Variants in ECD observed in about 807,000 individuals in gnomAD.
The protein encoded by ECD is protein ecdysoneless homolog.
In ECD, 59 loss-of-function variants were observed where a neutral mutation model predicts 77.2. That is an observed-to-expected ratio of 0.76 (90% CI 0.62 to 0.95). ECD has a LOEUF of 0.95. ECD is among the 40% of genes least tolerant of loss of function. The pLI is 0.00. For synonymous variants in ECD, 233 were observed against 267.4 expected (o/e 0.87, Z 1.26); for missense variants, 704 against 763.4 (o/e 0.92, Z 0.92).
At chr10:73,154,739 C>T (rs928735651) in intron 5 of ECD, among the ~76,000 whole-genome samples, 5 of 151,950 alleles carry the variant, frequency 3.3e-5, no homozygotes, top group Non-Finnish European at 5.9e-5. Flanking sequence ...TTGAGGCCAT[C>T]CTGGCTAACA....
At chr10:73,162,240 C>T (rs1359549344) in intron 2 of ECD, among the ~76,000 whole-genome samples, 1 of 152,102 alleles carries the variant, frequency 6.6e-6, no homozygotes. Context: ...TTGTTGTTTT[C>T]CAGATGTAGA....
intron 9 of ECD, among the ~76,000 whole-genome samples, chr10:73,144,401 G>C (rs552529421): frequency 7.1e-4 from 108 of 152,142 alleles, no homozygotes; most frequent in African/African-American, 2.5e-3. Flanking sequence ...AAGGTAGGGG[G>C]ATCTCTTAAA....
At chr10:73,145,943 A>G (rs1195322016) in intron 9 of ECD, among the ~76,000 whole-genome samples, 3 of 152,066 alleles carry the variant, frequency 2.0e-5, no homozygotes, top group African/African-American at 7.2e-5. Context: ...GCGCCTGGCC[A>G]TATTGTGCAG....
intron 9 of ECD, among the ~76,000 whole-genome samples, chr10:73,144,552 C>T (rs1355750181): frequency 3.3e-5 from 5 of 151,746 alleles, no homozygotes; most frequent in African/African-American, 9.7e-5. Flanking sequence ...TAGCAGAGAG[C>T]GGGGGGAAAA....
At position 73,145,370 on chromosome 10, in the gene ECD, A is replaced by G. The variant is rs1480190401; in HGVS notation, c.1127+906T>C. The stretch of plus-strand genomic sequence containing the variant: ...AAATAAATAAATAATAATAACAATA[A>G]ATGAAAAAAAGTGAAAATGAAAGGT... On this transcript the variant is annotated intron_variant, in intron 9 of 13. Coordinates refer to ENST00000372979, the MANE Select transcript of ECD (RefSeq NM_007265.3). Among the ~76,000 whole-genome samples, 3 of 152,178 alleles carry G rather than the reference A, an allele frequency of 2.0e-5. No homozygotes were observed. The South Asian group carries it at 6.2e-4, about 32-fold the overall frequency.
intron 3 of ECD, among the ~76,000 whole-genome samples, chr10:73,158,251 G>A (rs1013511389): frequency 2.0e-5 from 3 of 151,362 alleles, no homozygotes; most frequent in Admixed American, 6.6e-5. Flanking sequence ...GTGAGCCACC[G>A]CCCCAGGCCT....
At chr10:73,158,643 A>C (rs7905557) in intron 3 of ECD, among the ~76,000 whole-genome samples, 23,884 of 151,836 alleles carry the variant, frequency 0.16, 3,127 homozygotes, top group African/African-American at 0.34. Flanking sequence ...GGATGAGGTA[A>C]GAGAATTGCT....
chr10:73,167,191 G>A (rs1458602125), intron 1 of ECD, among the ~76,000 whole-genome samples: 1 of 152,108 alleles, frequency 6.6e-6, no homozygotes, highest in Non-Finnish European at 1.5e-5. Context: ...TGCTGTTTTG[G>A]TTACTATAAC....
chr10:73,163,347 C>A (rs147480858), intron 2 of ECD, among the ~76,000 whole-genome samples: 124 of 152,264 alleles, frequency 8.1e-4, no homozygotes, highest in Non-Finnish European at 1.4e-3. Flanking sequence ...ACAAGGCAGC[C>A]TACCAAACAC....
At chr10:73,147,599 C>T (rs986553434) in intron 8 of ECD, among the ~76,000 whole-genome samples, 1 of 151,764 alleles carries the variant, frequency 6.6e-6, no homozygotes, top group African/African-American at 2.4e-5. Context: ...TAGTACTTTT[C>T]GTATTGCTGT....
intron 13 of ECD, among the ~76,000 whole-genome samples, chr10:73,135,654 G>A (rs1564658462): frequency 6.6e-6 from 1 of 152,066 alleles, no homozygotes. Flanking sequence ...CCAGGAGGCA[G>A]AGGGTGCAGT....
intron 2 of ECD, among the ~76,000 whole-genome samples, chr10:73,162,208 A>C (rs1026716005): frequency 2.0e-5 from 3 of 152,260 alleles, no homozygotes; most frequent in African/African-American, 7.2e-5. Context: ...GACAGGAACC[A>C]GAGAGGTAAG....
chr10:73,156,911 A>T (rs1564666388), intron 3 of ECD, among the ~76,000 whole-genome samples: 1 of 152,196 alleles, frequency 6.6e-6, no homozygotes, highest in Non-Finnish European at 1.5e-5. Flanking sequence ...ATATTAGACA[A>T]AAATATGAAA....
chr10:73,157,341 C>T (rs1301901216), intron 3 of ECD, among the ~76,000 whole-genome samples: 2 of 151,770 alleles, frequency 1.3e-5, no homozygotes, highest in South Asian at 2.1e-4. Flanking sequence ...TGAGCCACCA[C>T]GCCCGGCCCG....
At chr10:73,145,878 C>T (rs539181285) in intron 9 of ECD, among the ~76,000 whole-genome samples, 3 of 151,976 alleles carry the variant, frequency 2.0e-5, no homozygotes, top group South Asian at 4.2e-4. Context: ...CTTTTGACCT[C>T]GTGATCCGCC....
At chr10:73,150,538 C>G (rs1843188525) in intron 7 of ECD, among the ~76,000 whole-genome samples, 2 of 152,184 alleles carry the variant, frequency 1.3e-5, no homozygotes, top group Non-Finnish European at 2.9e-5. Context: ...TCTAATTAAA[C>G]TCAAGAGCTT....
chr10:73,163,956 T>C lies in ECD; in HGVS notation c.-13-6A>G, dbSNP rs765919790. On this transcript the variant is annotated splice_region_variant and splice_polypyrimidine_tract_variant and intron_variant, in intron 1 of 13. Transcript: ENST00000372979. ...CTTCCATTCTTCTTTGAAAACTATG[T>C]TTAAAGTTCCAAAATATAAACCACA... 7 of 1,612,202 alleles carry C rather than the reference T, an allele frequency of 4.3e-6. No individual in the cohort carries two copies. The highest frequency in any genetic ancestry group is 5.1e-6 in the Non-Finnish European group (6 of 1,178,828).
In ECD at chr10:73,134,254, A is replaced by T. The variant is rs189473532; in HGVS notation, c.*329T>A. On this transcript the variant is annotated 3_prime_UTR_variant, in exon 14 of 14. Transcript: ENST00000372979. ...ACTTGAAATTTTGATCTGAGGATGA[A>T]TAGCAGTAAGGGAGAAATTTAAATA... 2.2e-3 allele frequency: 413 copies of T among 190,046 alleles called. 1 individual carries two copies. Among genetic ancestry groups the T allele is most frequent in the African/African-American group, 9.2e-3 (391 of 42,704 alleles). 11.8% of individuals were successfully genotyped at this position (190,046 alleles called of 1,614,324 possible).
intron 13 of ECD, among the ~76,000 whole-genome samples, chr10:73,136,399 T>A (rs1842974331): frequency 6.6e-6 from 1 of 152,180 alleles, no homozygotes; most frequent in Non-Finnish European, 1.5e-5. Context: ...GTAGTTTTTT[T>A]AAACTACTTT....
Sources: allele counts gnomAD v4.1 joint callset (sites outside exome capture counted in the v4.1 genomes callset), GRCh38; gene constraint gnomAD v4.1.1; transcripts MANE v1.5; gene names NCBI Gene and HGNC (gene_info 2026-07-23, HGNC 2026-07-21).